The following ZNF814 variants were observed in gnomAD, a reference collection of about 807,000 sequenced individuals.
ZNF814 encodes zinc finger protein 814.
In ZNF814, 5 loss-of-function variants were observed where a neutral mutation model predicts 7.5. The ratio of observed to expected loss-of-function variants is 0.67; its 90% CI spans 0.35 to 1.40. The LOEUF (loss-of-function observed/expected upper bound fraction) is 1.40, where lower values mean the gene tolerates loss of function less well. Ranked by LOEUF, ZNF814 falls within the 40% of genes most tolerant of loss-of-function variation. ZNF814 has a pLI of 0.04. For synonymous variants in ZNF814, 315 were observed against 340.7 expected (o/e 0.92, Z 0.83); for missense variants, 962 against 1,018.0 (o/e 0.94, Z 0.75).
the ZNF814 span, among the ~76,000 whole-genome samples, chr19:57,902,752 C>T: frequency 9.9e-5 from 15 of 151,934 alleles, no homozygotes; most frequent in African/African-American, 2.9e-4. Flanking sequence ...GCTCTGCCTC[C>T]CTGGTTCATG....
upstream of ZNF814, among the ~76,000 whole-genome samples, chr19:57,891,807 G>A (rs1028054256): frequency 9.9e-5 from 15 of 152,052 alleles, no homozygotes; most frequent in Admixed American, 7.9e-4. Flanking sequence ...AGGCTGGAGT[G>A]CAGTGGCATG....
At chr19:57,889,942 T>G (rs1305087794), upstream of ZNF814, among the ~76,000 whole-genome samples, 4 of 152,212 alleles carry the variant, frequency 2.6e-5, no homozygotes, top group African/African-American at 4.8e-5. Flanking sequence ...TCATCCTGCC[T>G]CTCCTTAGAA....
intron 2 of ZNF814, among the ~76,000 whole-genome samples, chr19:57,875,671 G>A (rs968315544): frequency 4.6e-5 from 7 of 152,126 alleles, no homozygotes; most frequent in South Asian, 2.1e-4. Context: ...AGATGGTGAC[G>A]TATGTAAATG....
the ZNF814 span, among the ~76,000 whole-genome samples, chr19:57,898,864 A>C: frequency 6.6e-6 from 1 of 150,448 alleles, no homozygotes; most frequent in East Asian, 2.0e-4. Context: ...TGGCTGAACC[A>C]GGGAGGCGGA....
intron 1 of ZNF814, among the ~76,000 whole-genome samples, chr19:57,887,306 C>A (rs1288939663): frequency 1.3e-5 from 2 of 152,214 alleles, no homozygotes; most frequent in Admixed American, 6.5e-5. Flanking sequence ...AAAGATTAGG[C>A]CTTCAGCAGC....
At chr19:57,902,360 T>C in the ZNF814 span, among the ~76,000 whole-genome samples, 2 of 152,168 alleles carry the variant, frequency 1.3e-5, no homozygotes, top group Non-Finnish European at 2.9e-5. Context: ...GATGGACTCA[T>C]TGGAAAGAGA....
chr19:57,873,661 C>G lies in ZNF814; in HGVS notation c.1729G>C (p.Gly577Arg), dbSNP rs775336579. 6.2e-7 allele frequency: 1 copy of G among 1,613,716 alleles called. No homozygotes were observed. Among genetic ancestry groups the G allele is most frequent in the Admixed American group, 1.7e-5 (1 of 59,974 alleles). Reference sequence around the variant, plus strand: ...AAAGATTTCCCACATTCTCCACACCCATAAGATCTTTCTCTAGGGTGAACT... The same window carrying G: ...AAAGATTTCCCACATTCTCCACACCGATAAGATCTTTCTCTAGGGTGAACT... The part of the protein sequence containing the change: ...QRVHPRERSY[G>R]CGECGKSFSS... Residue 577 changes from glycine (G) to arginine (R), a missense_variant, in exon 3 of 3, where the codon GGG becomes CGG. Physicochemically the swap from Gly to Arg is moderately radical, Grantham distance 125. Coordinates refer to ENST00000435989, the MANE Select transcript of ZNF814 (RefSeq NM_001144989.2).
At chr19:57,875,336 A>T in intron 2 of ZNF814, 110 bp from the exon 3 acceptor site, 1 of 1,608,414 alleles carries the variant, frequency 6.2e-7, no homozygotes, top group Non-Finnish European at 8.5e-7. Context: ...AACTACTTGG[A>T]GGAACAGGAT....
intron 1 of ZNF814, among the ~76,000 whole-genome samples, chr19:57,878,166 CAA>C (rs60614715): frequency 0.5 from 44,110 of 87,760 alleles, 8,078 homozygotes; most frequent in South Asian, 0.6. Context: ...AACTCTGTCT[CAA>C]AAAAAAAAAA....
At chr19:57,880,790 G>A (rs1228185614) in intron 1 of ZNF814, among the ~76,000 whole-genome samples, 26 of 145,640 alleles carry the variant, frequency 1.8e-4, no homozygotes, top group Non-Finnish European at 2.8e-4. Flanking sequence ...ACTAATTTTT[G>A]TATTTTTAGT....
chr19:57,896,129 C>T, the ZNF814 span, among the ~76,000 whole-genome samples: 2 of 142,622 alleles, frequency 1.4e-5, no homozygotes, highest in South Asian at 2.1e-4. The surrounding 1 kb of genome is among the most constrained non-coding windows in gnomAD (Gnocchi z 4.2). Context: ...AAAAGGGGCA[C>T]GAGAGCCTTT....
chr19:57,872,999 T>C lies in ZNF814; in HGVS notation c.2391A>G (p.Glu797=). The change falls in exon 3 of 3, where the codon GAA becomes GAG. Residue 797 remains glutamate (E), a synonymous_variant. Transcript: ENST00000435989. ...CACATTCACTGCACTCATAAGGCTTTTCTCCAGTGTGAACTCTTTTGTGTT... is the reference window on the plus strand; with the variant it reads ...CACATTCACTGCACTCATAAGGCTTCTCTCCAGTGTGAACTCTTTTGTGTT... ...FTKHKRVHTG[E]KPYECSECGK... is the part of the protein sequence containing the mutation. The C allele has an allele frequency of 6.2e-7, 1 of 1,613,978 alleles. No individual in the cohort carries two copies. Among genetic ancestry groups the C allele is most frequent in the Non-Finnish European group, 8.5e-7 (1 of 1,179,898 alleles).
the ZNF814 span, chr19:57,901,512 C>A: frequency 2.5e-6 from 1 of 397,656 alleles, no homozygotes; most frequent in Non-Finnish European, 4.4e-6. Context: ...CAATCAGGTG[C>A]CTCTGTGGGT....
At chr19:57,894,509 T>C in the ZNF814 span, among the ~76,000 whole-genome samples, 3 of 152,048 alleles carry the variant, frequency 2.0e-5, no homozygotes, top group African/African-American at 7.2e-5. Flanking sequence ...TAGTGCTTCT[T>C]GATCACACCT....
the ZNF814 span, among the ~76,000 whole-genome samples, chr19:57,897,701 C>G: frequency 3.3e-5 from 5 of 152,150 alleles, 1 homozygote; most frequent in East Asian, 9.6e-4. Flanking sequence ...TGGGGAGCCA[C>G]CAAAGAAGGT....
At position 57,877,542 on chromosome 19, in the gene ZNF814, A is replaced by G. The variant is rs1305905760; in HGVS notation, c.37-500T>C. Among the ~76,000 whole-genome samples, 4 of 152,202 alleles carry G rather than the reference A, an allele frequency of 2.6e-5. No individual in the cohort carries two copies. The East Asian group carries it at 5.8e-4, about 22-fold the overall frequency. ...ACTGCAACCTCCACCTCCTGGGTTC[A>G]AGCAATTATCCTGCCTCAGCCTCCC... On this transcript the variant is annotated intron_variant, in intron 1 of 2. Transcript: ENST00000435989.
rs1480104649 is a variant in ZNF814 at position 57,873,495 on chromosome 19, T to A, written c.1895A>T (p.Tyr632Phe). 2 of 1,614,174 alleles carry A rather than the reference T, an allele frequency of 1.2e-6. No individual in the cohort carries two copies. Among genetic ancestry groups the A allele is most frequent in the Non-Finnish European group, 1.7e-6 (2 of 1,180,022 alleles). ...AGATTTCCCACAGTCTCCACACTTG[T>A]AAGGTCTTTCTCCAGTGTGCATGCG... ...HQRMHTGERP[Y>F]KCGDCGKSFN... Residue 632 changes from tyrosine (Y) to phenylalanine (F), a missense_variant, in exon 3 of 3, where the codon TAC becomes TTC. Tyr to Phe is a conservative substitution (Grantham distance 22, BLOSUM62 3). Coordinates refer to ENST00000435989, the MANE Select transcript of ZNF814 (RefSeq NM_001144989.2).
chr19:57,893,167 T>C (rs979780941), upstream of ZNF814, among the ~76,000 whole-genome samples: 5 of 150,922 alleles, frequency 3.3e-5, no homozygotes, highest in South Asian at 2.1e-4. Flanking sequence ...TTTTTTGTTA[T>C]TGATTTTTTT....
At chr19:57,886,045 C>A (rs1009762173) in intron 1 of ZNF814, 1 of 149,424 alleles carries the variant, frequency 6.7e-6, no homozygotes, top group Non-Finnish European at 1.5e-5. Context: ...TATATACCCA[C>A]AAAAATTTAA....
Sources: gnomAD v4.1 joint callset for allele counts (sites outside exome capture counted in the v4.1 genomes callset) on GRCh38, gnomAD v4.1.1 for gene constraint, Gnocchi (gnomAD v3.1) non-coding constraint, MANE v1.5 for transcripts, NCBI Gene and HGNC (gene_info 2026-07-23, HGNC 2026-07-21) for gene names.